The following ZNF385D variants were observed in gnomAD, a reference collection of about 807,000 sequenced individuals.
ZNF385D encodes the protein zinc finger protein 659.
ZNF385D carries 15 observed loss-of-function variants against 35.8 expected under a neutral mutation model. The ratio of observed to expected loss-of-function variants is 0.42; its 90% CI spans 0.28 to 0.64. The LOEUF (loss-of-function observed/expected upper bound fraction) is 0.64. Ranked by LOEUF, ZNF385D falls within the 30% of genes least tolerant of loss-of-function variation. ZNF385D has a pLI of 0.23. For missense variants in ZNF385D, 474 were observed against 494.6 expected, an observed-to-expected ratio of 0.96 and a Z score of 0.39; for synonymous variants, 212 against 186.8, an observed-to-expected ratio of 1.13 and a Z score of -1.10.
chr3:21,942,097 G>A (rs1701550026), intron 3 of ZNF385D, among the ~76,000 whole-genome samples: 2 of 151,584 alleles, frequency 1.3e-5, no homozygotes, highest in African/African-American at 4.9e-5. Context: ...TGACAAAACA[G>A]TAACACTTTA....
chr3:21,782,621 C>T (rs1301157624), intron 3 of ZNF385D, among the ~76,000 whole-genome samples: 1 of 152,062 alleles, frequency 6.6e-6, no homozygotes, highest in Admixed American at 6.6e-5. Context: ...CTTAACGTCT[C>T]TGAAATTGTT....
chr3:22,343,296 C>T (rs930246106), intron 2 of ZNF385D, among the ~76,000 whole-genome samples: 1 of 152,184 alleles, frequency 6.6e-6, no homozygotes, highest in African/African-American at 2.4e-5. Context: ...ATGATTTTGA[C>T]AGATCTACGT....
chr3:22,163,665 A>T (rs1470118313), intron 3 of ZNF385D, among the ~76,000 whole-genome samples: 1 of 152,156 alleles, frequency 6.6e-6, no homozygotes, highest in East Asian at 1.9e-4. Flanking sequence ...TCCCATATGC[A>T]TTATTTTATT....
At chr3:21,621,798 T>C (rs982362474) in intron 2 of ZNF385D, among the ~76,000 whole-genome samples, 1 of 151,086 alleles carries the variant, frequency 6.6e-6, no homozygotes, top group Non-Finnish European at 1.5e-5. Flanking sequence ...AAGCTCCCCA[T>C]TTGATTACTA....
At chr3:21,857,733 T>C (rs569768423) in intron 3 of ZNF385D, among the ~76,000 whole-genome samples, 3 of 152,044 alleles carry the variant, frequency 2.0e-5, no homozygotes, top group African/African-American at 4.8e-5. Flanking sequence ...CTCTTACTGA[T>C]GCTGTTAATT....
intron 1 of ZNF385D, among the ~76,000 whole-genome samples, chr3:21,682,364 G>T (rs2066943636): frequency 6.7e-6 from 1 of 150,202 alleles, no homozygotes. Context: ...TAAGGGGAAA[G>T]CTAAAGGTAC....
chr3:22,196,658 C>G (rs1427602966), intron 2 of ZNF385D, among the ~76,000 whole-genome samples: 1 of 151,956 alleles, frequency 6.6e-6, no homozygotes, highest in Non-Finnish European at 1.5e-5. Flanking sequence ...TTGGAAAATT[C>G]CAGAACCTTT....
chr3:22,013,133 G>A (rs1345613133), intron 3 of ZNF385D, among the ~76,000 whole-genome samples: 1 of 152,074 alleles, frequency 6.6e-6, no homozygotes, highest in Non-Finnish European at 1.5e-5. Flanking sequence ...AGAGGTTAAG[G>A]AGAAAGTCAG....
At chr3:22,259,382 A>G (rs182255325) in intron 2 of ZNF385D, among the ~76,000 whole-genome samples, 36 of 152,032 alleles carry the variant, frequency 2.4e-4, no homozygotes, top group Admixed American at 9.2e-4. Context: ...TTTTCTTTAA[A>G]TTTTATGCTT....
chr3:22,349,503 C>T (rs944901980), intron 2 of ZNF385D, among the ~76,000 whole-genome samples: 1 of 152,108 alleles, frequency 6.6e-6, no homozygotes, highest in South Asian at 2.1e-4. Flanking sequence ...CTACCTCACA[C>T]GTACTGAACA....
Position 22,213,224 on chromosome 3 carries a change from T to C in ZNF385D, c.107-44189A>G, listed in dbSNP as rs556924311. 7.9e-5 allele frequency among the ~76,000 whole-genome samples: 12 copies of C among 152,214 alleles called. No individual in the cohort carries two copies. The East Asian group carries it at 2.1e-3, about 27-fold the overall frequency. On this transcript the variant is annotated intron_variant, in intron 2 of 5. Transcript: ENST00000494108. ...TAAGGGGGATTTGACAAATGCTTTCTCTCAAAGGACAGATAGGCTTTGTGG... is the reference window on the plus strand; with the variant it reads ...TAAGGGGGATTTGACAAATGCTTTCCCTCAAAGGACAGATAGGCTTTGTGG...
chr3:21,974,291 T>G (rs1703456098), intron 3 of ZNF385D, among the ~76,000 whole-genome samples: 1 of 152,018 alleles, frequency 6.6e-6, no homozygotes, highest in Admixed American at 6.6e-5. Flanking sequence ...TGAACTTATT[T>G]TCAACAAAGG....
chr3:22,137,944 C>T (rs1169259209), intron 3 of ZNF385D, among the ~76,000 whole-genome samples: 1 of 152,118 alleles, frequency 6.6e-6, no homozygotes, highest in African/African-American at 2.4e-5. Flanking sequence ...CCAAAATCTC[C>T]TTAAGCTGAT....
At chr3:22,323,279 T>A (rs923571410) in intron 2 of ZNF385D, among the ~76,000 whole-genome samples, 1 of 152,146 alleles carries the variant, frequency 6.6e-6, no homozygotes, top group African/African-American at 2.4e-5. Flanking sequence ...GCCCACAGAC[T>A]CCCTGTTGCT....
rs1243741835 is a variant in ZNF385D, at chr3:21,416,509, A to G, written c.*4705T>C. 1 of 152,062 alleles carries G rather than the reference A, an allele frequency of 6.6e-6. No homozygotes were observed. Among genetic ancestry groups the G allele is most frequent in the Non-Finnish European group, 1.5e-5 (1 of 68,006 alleles). The allele number at this position is 152,062 out of a possible 1,614,324, so 9.4% of individuals were successfully genotyped here. ...CCCTGATACCACTCTCAGAAATACCATGTAGGCAATGGAGACCTACCATTA... is the reference window on the plus strand; with the variant it reads ...CCCTGATACCACTCTCAGAAATACCGTGTAGGCAATGGAGACCTACCATTA... On this transcript the variant is annotated 3_prime_UTR_variant, in exon 8 of 8. Transcript: ENST00000281523.
chr3:21,583,522 A>AAAAC (rs1195123972), intron 2 of ZNF385D, among the ~76,000 whole-genome samples: 2 of 152,228 alleles, frequency 1.3e-5, no homozygotes, highest in Admixed American at 1.3e-4. Flanking sequence ...GTAAATATTT[A>AAAAC]AAACACTGAT....
chr3:22,097,791 C>T (rs1382520691), intron 3 of ZNF385D, among the ~76,000 whole-genome samples: 3 of 151,976 alleles, frequency 2.0e-5, no homozygotes, highest in Non-Finnish European at 4.4e-5. Flanking sequence ...AAACTATGGG[C>T]ACTAGGAACC....
At chr3:21,578,823 T>G (rs1051090121) in intron 2 of ZNF385D, among the ~76,000 whole-genome samples, 1 of 152,206 alleles carries the variant, frequency 6.6e-6, no homozygotes, top group Non-Finnish European at 1.5e-5. Flanking sequence ...TGGGGTCTTT[T>G]GTGGTTCCAT....
At chr3:22,027,381 C>G (rs550850272) in intron 3 of ZNF385D, among the ~76,000 whole-genome samples, 1 of 152,312 alleles carries the variant, frequency 6.6e-6, no homozygotes, top group Admixed American at 6.5e-5. Context: ...CCACTTGGGC[C>G]ATATGATCCA....
Sources: gnomAD v4.1 joint callset for allele counts (sites outside exome capture counted in the v4.1 genomes callset) on GRCh38, gnomAD v4.1.1 for gene constraint, MANE v1.5 for transcripts, NCBI Gene and HGNC (gene_info 2026-07-23, HGNC 2026-07-21) for gene names.